The following MELTF variants were observed in gnomAD, a reference collection of about 807,000 sequenced individuals.
The protein encoded by MELTF is melanotransferrin.
Under a neutral mutation model 83.7 loss-of-function variants are expected in MELTF, and 67 were observed. The observed-to-expected ratio is 0.80, with a 90% CI of 0.66 to 0.98. The LOEUF (loss-of-function observed/expected upper bound fraction) is 0.98. Ranked by LOEUF, MELTF falls within the 50% of genes least tolerant of loss-of-function variation. The pLI is 0.00. For synonymous variants in MELTF, 462 were observed against 447.6 expected (o/e 1.03, Z -0.41); for missense variants, 1,002 against 1,035.6 (o/e 0.97, Z 0.44).
intron 6 of MELTF, 21 bp from the exon 7 acceptor site, chr3:197,017,311 G>A (rs757594338): frequency 3.7e-4 from 550 of 1,505,774 alleles, no homozygotes; most frequent in Non-Finnish European, 4.8e-4. Context: ...GGAAGCCTGG[G>A]CTGAGCCAGC....
chr3:197,003,516 C>T lies in MELTF; in HGVS notation c.2138-65G>A, dbSNP rs1718843344. The T allele has an allele frequency of 1.4e-5, 2 of 138,040 alleles. No homozygotes were observed. Among genetic ancestry groups the T allele is most frequent in the Admixed American group, 9.0e-4 (2 of 2,220 alleles). 8.6% of individuals were successfully genotyped at this position (138,040 alleles called of 1,614,324 possible). ...CCGCGGTGGCCGCCTCAGGCGCCCG[C>T]TCTGGGGTGGGGGTGGGGGCATCTT... On this transcript the variant is annotated intron_variant, in intron 15 of 15. Transcript: ENST00000296350. The surrounding 1 kb of genome is among the most constrained non-coding windows in gnomAD (Gnocchi z 6.2).
Position 197,024,635 on chromosome 3 carries a change from G to A in MELTF, c.305-150C>T. ...GTGCATAGCGTTCTCGTTACCAAGA[G>A]AGCAAGTGGGCTTCATCTGCATGTA... On this transcript the variant is annotated intron_variant, in intron 3 of 15. Transcript: ENST00000296350. This position sits in a 1 kb window ranked among gnomAD's most constrained non-coding sequence, Gnocchi z 5.3. The A allele has an allele frequency of 1.8e-6, 1 of 550,168 alleles. No homozygotes were observed. Among genetic ancestry groups the A allele is most frequent in the South Asian group, 5.0e-5 (1 of 20,064 alleles). 34.1% of individuals were successfully genotyped at this position (550,168 alleles called of 1,614,324 possible). A position where few individuals can be genotyped will look rare whatever the true frequency, so the allele number is the denominator to read the frequency against.
At chr3:197,020,067 AT>A (rs1719560158) in intron 6 of MELTF, among the ~76,000 whole-genome samples, 1 of 152,124 alleles carries the variant, frequency 6.6e-6, no homozygotes, top group Non-Finnish European at 1.5e-5. Flanking sequence ...AAAAGAACAA[AT>A]TTTGCTGCAT....
In MELTF at chr3:197,025,235, C is replaced by T. The variant is rs575169159; in HGVS notation, c.305-750G>A. 6.6e-5 allele frequency among the ~76,000 whole-genome samples: 10 copies of T among 152,324 alleles called. No individual in the cohort carries two copies. The East Asian group carries it at 7.7e-4, about 12-fold the overall frequency. On this transcript the variant is annotated intron_variant, in intron 3 of 15. Transcript: ENST00000296350. ...GGCATGCACGCGTGCACAAACTGCC[C>T]GGTGGTGTGGGAGGCCATATCAGAA...
rs1044264878 is a variant in MELTF at position 197,002,189 on chromosome 3, C to G, written c.*1183G>C. 11 of 152,132 alleles carry G rather than the reference C, an allele frequency of 7.2e-5. No homozygotes were observed. The highest frequency in any genetic ancestry group is 2.7e-4 in the African/African-American group (11 of 41,434). 9.4% of individuals were successfully genotyped at this position (152,132 alleles called of 1,614,324 possible). The stretch of plus-strand genomic sequence containing the variant: ...CCTTCCCGACGCCCGCAGGTGGGGG[C>G]GAGCCACCGGGAACCGGGCCTGTCA... On this transcript the variant is annotated 3_prime_UTR_variant, in exon 16 of 16. Transcript: ENST00000296350.
At chr3:197,016,152 GGCTGGA>G in intron 8 of MELTF, 31 bp downstream of exon 8, 3 of 1,472,598 alleles carry the variant, frequency 2.0e-6, no homozygotes, top group Non-Finnish European at 2.7e-6. Flanking sequence ...GGTTGAGCTG[GGCTGGA>G]GCTGGCAGCA....
Position 197,008,575 on chromosome 3 carries a change from C to G in MELTF, c.1750+82G>C. 6.8e-7 allele frequency: 1 copy of G among 1,480,646 alleles called. No homozygotes were observed. Among genetic ancestry groups the G allele is most frequent in the Non-Finnish European group, 9.3e-7 (1 of 1,079,826 alleles). 91.7% of individuals were successfully genotyped at this position (1,480,646 alleles called of 1,614,324 possible). On this transcript the variant is annotated intron_variant, in intron 13 of 15. Coordinates refer to ENST00000296350, the MANE Select transcript of MELTF (RefSeq NM_005929.6). The surrounding 1 kb of genome is among the most constrained non-coding windows in gnomAD (Gnocchi z 5.4). ...TCTCTGAGCTGCTGCTTGGCCCCAGCCCAGCATGGTGTCTGGATGGTGCTG... is the reference window on the plus strand; with the variant it reads ...TCTCTGAGCTGCTGCTTGGCCCCAGGCCAGCATGGTGTCTGGATGGTGCTG...
At position 197,006,763 on chromosome 3, in the gene MELTF, G is replaced by T; in HGVS notation, c.1751-27C>A. The T allele has an allele frequency of 6.7e-7, 1 of 1,485,818 alleles. No homozygotes were observed. The highest frequency in any genetic ancestry group is 8.9e-7 in the Non-Finnish European group (1 of 1,119,280). The allele number at this position is 1,485,818 out of a possible 1,614,324, so 92.0% of individuals were successfully genotyped here. On this transcript the variant is annotated intron_variant, in intron 13 of 15. Transcript: ENST00000296350. This position sits in a 1 kb window ranked among gnomAD's most constrained non-coding sequence, Gnocchi z 5.4. The stretch of plus-strand genomic sequence containing the variant: ...TGAGGGGGGTAAAGCAGTGTGTGTG[G>T]GGACGTTCCGGGAGTGGAGAGAAGT...
rs1313141126 is a variant in MELTF, at chr3:197,024,065, C to A, written c.487+238G>T. On this transcript the variant is annotated intron_variant, in intron 4 of 15. Transcript: ENST00000296350. The surrounding 1 kb of genome is among the most constrained non-coding windows in gnomAD (Gnocchi z 5.3). ...GTGCCTGGCTGTGCCATGTGGGACACCACGATGCGTGAGCAAGAATCGCGC... is the reference window on the plus strand; with the variant it reads ...GTGCCTGGCTGTGCCATGTGGGACAACACGATGCGTGAGCAAGAATCGCGC... 6.6e-6 allele frequency among the ~76,000 whole-genome samples: 1 copy of A among 152,144 alleles called. No individual in the cohort carries two copies.
chr3:197,027,103 GGTT>G, intron 2 of MELTF: 1 of 284,088 alleles, frequency 3.5e-6, no homozygotes, highest in African/African-American at 2.1e-5. Context: ...TGCTACCCTA[GGTT>G]TTCTAGCTTT....
In MELTF at chr3:197,009,606, A is replaced by AG. The variant is rs540254752; in HGVS notation, c.1525+11dup. ...GCTTCCCCAGTCTGCGTTCCTAAAA[A>AG]GGGGGGGGTACCTGTGAGGACGTCA... On this transcript the variant is annotated intron_variant, in intron 11 of 15. Transcript: ENST00000296350. 3.2e-4 allele frequency: 506 copies of AG among 1,587,242 alleles called. 2 individuals are homozygous for AG. The highest frequency in any genetic ancestry group is 2.1e-3 in the East Asian group (94 of 43,956).
Position 197,009,783 on chromosome 3 carries a change from C to T in MELTF, c.1360G>A (p.Val454Met). The change falls in exon 11 of 16, where the codon GTG (valine) becomes ATG (methionine). Residue 454 changes from valine to methionine, a missense_variant. Coordinates refer to ENST00000296350, the MANE Select transcript of MELTF (RefSeq NM_005929.6). ...PEDSSNSYYV[V>M]AVVRRDSSHA... is the part of the protein sequence containing the mutation. ...GAGCTGTCCCGTCTCACCACGGCCACCACGTAGTACGAGTTGCTGCTGTCT... is the reference window on the plus strand; with the variant it reads ...GAGCTGTCCCGTCTCACCACGGCCATCACGTAGTACGAGTTGCTGCTGTCT... 1 of 1,612,590 alleles carries T rather than the reference C, an allele frequency of 6.2e-7. No homozygotes were observed. Among genetic ancestry groups the T allele is most frequent in the Non-Finnish European group, 8.5e-7 (1 of 1,179,288 alleles).
Position 197,007,369 on chromosome 3 carries a change from T to G in MELTF, c.1751-633A>C, listed in dbSNP as rs1253442543. On this transcript the variant is annotated intron_variant, in intron 13 of 15. Coordinates refer to ENST00000296350, the MANE Select transcript of MELTF (RefSeq NM_005929.6). The surrounding 1 kb of genome is among the most constrained non-coding windows in gnomAD (Gnocchi z 4.3). Reference sequence around the variant, plus strand: ...AAAATGCTGCCCTCAGGAATCACATTTTCATGTCTCTGTGCATTCACTTAG... The same window carrying G: ...AAAATGCTGCCCTCAGGAATCACATGTTCATGTCTCTGTGCATTCACTTAG... 6.6e-6 allele frequency among the ~76,000 whole-genome samples: 1 copy of G among 152,172 alleles called. No individual in the cohort carries two copies. Among genetic ancestry groups the G allele is most frequent in the East Asian group, 1.9e-4 (1 of 5,196 alleles).
intron 6 of MELTF, among the ~76,000 whole-genome samples, chr3:197,020,708 C>T (rs1719585582): frequency 6.6e-6 from 1 of 151,852 alleles, no homozygotes; most frequent in African/African-American, 2.4e-5. Context: ...CTCGCTCTGT[C>T]ACCAGGCTGG....
intron 2 of MELTF, among the ~76,000 whole-genome samples, chr3:197,027,318 ATTTAGCAG>A (rs1338593886): frequency 1.3e-5 from 2 of 152,240 alleles, no homozygotes; most frequent in Non-Finnish European, 2.9e-5. Flanking sequence ...TGTCAGTGTC[ATTTAGCAG>A]TTCTCAGCAG....
intron 7 of MELTF, among the ~76,000 whole-genome samples, chr3:197,016,600 CT>C (rs888536277): frequency 2.5e-4 from 38 of 152,362 alleles, no homozygotes; most frequent in African/African-American, 9.1e-4. Flanking sequence ...TCACACTCAG[CT>C]GTTTGGACAC....
chr3:197,007,103 A>C lies in MELTF; in HGVS notation c.1751-367T>G, dbSNP rs866830454. On this transcript the variant is annotated intron_variant, in intron 13 of 15. Coordinates refer to ENST00000296350, the MANE Select transcript of MELTF (RefSeq NM_005929.6). This position sits in a 1 kb window ranked among gnomAD's most constrained non-coding sequence, Gnocchi z 4.3. ...CACTCCCAGGCAGAGAACCCCATCT[A>C]TGTGTTACATCCTCAAGCCTGAGTG... Among the ~76,000 whole-genome samples, 4 of 152,076 alleles carry C rather than the reference A, an allele frequency of 2.6e-5. No homozygotes were observed. The highest frequency in any genetic ancestry group is 4.2e-4 in the South Asian group (2 of 4,816).
At position 197,017,177 on chromosome 3, in the gene MELTF, C is replaced by T; in HGVS notation, c.826G>A (p.Val276Met). Residue 276 changes from valine (V) to methionine (M), a missense_variant, in exon 7 of 16, where the codon GTG (valine) becomes ATG (methionine). Transcript: ENST00000296350. ...CGGACCACCACGGCGTGAGCAGGCACCCGGGCCAGATGGCACTGCCTCCAC... is the reference window on the plus strand; with the variant it reads ...CGGACCACCACGGCGTGAGCAGGCATCCGGGCCAGATGGCACTGCCTCCAC... The part of the protein sequence containing the change: ...TEWRQCHLAR[V>M]PAHAVVVRAD... 6.2e-7 allele frequency: 1 copy of T among 1,609,392 alleles called. No homozygotes were observed. The highest frequency in any genetic ancestry group is 1.1e-5 in the South Asian group (1 of 89,784).
Position 197,008,568 on chromosome 3 carries a change from G to A in MELTF, c.1750+89C>T, listed in dbSNP as rs1719058491. The A allele has an allele frequency of 2.1e-6, 3 of 1,433,192 alleles. No homozygotes were observed. Among genetic ancestry groups the A allele is most frequent in the South Asian group, 2.6e-5 (2 of 77,480 alleles). The allele number at this position is 1,433,192 out of a possible 1,614,324, so 88.8% of individuals were successfully genotyped here. ...CTCAGCCTCTCTGAGCTGCTGCTTG[G>A]CCCCAGCCCAGCATGGTGTCTGGAT... On this transcript the variant is annotated intron_variant, in intron 13 of 15. Transcript: ENST00000296350. The surrounding 1 kb of genome is among the most constrained non-coding windows in gnomAD (Gnocchi z 5.4).
Sources: gnomAD v4.1 joint callset for allele counts (sites outside exome capture counted in the v4.1 genomes callset) on GRCh38, gnomAD v4.1.1 for gene constraint, Gnocchi (gnomAD v3.1) non-coding constraint, MANE v1.5 for transcripts, NCBI Gene and HGNC (gene_info 2026-07-23, HGNC 2026-07-21) for gene names.